PAX7: variants seen among roughly 807,000 people sequenced by gnomAD.
PAX7 encodes paired box 7.
A neutral mutation model predicts 50.7 loss-of-function variants in PAX7; 18 were observed. The ratio of observed to expected loss-of-function variants is 0.36; its 90% CI spans 0.25 to 0.53. The LOEUF (loss-of-function observed/expected upper bound fraction) is 0.53. PAX7 is among the 20% of genes least tolerant of loss of function. The pLI is 0.93. For synonymous variants in PAX7, 310 were observed against 290.4 expected, an observed-to-expected ratio of 1.07 and a Z score of -0.69; for missense variants, 644 against 702.9, an observed-to-expected ratio of 0.92 and a Z score of 0.95.
At chr1:18,706,361 T>C (rs1266048806) in intron 7 of PAX7, among the ~76,000 whole-genome samples, 1 of 152,014 alleles carries the variant, frequency 6.6e-6, no homozygotes, top group Non-Finnish European at 1.5e-5. Flanking sequence ...AGGCACACTG[T>C]CCCTTTCCCC....
chr1:18,666,932 C>T (rs1026444332), intron 4 of PAX7, among the ~76,000 whole-genome samples: 5 of 151,818 alleles, frequency 3.3e-5, no homozygotes, highest in African/African-American at 7.3e-5. Flanking sequence ...GTGGTGGGGG[C>T]ATCAGGGACC....
At position 18,660,050 on chromosome 1, in the gene PAX7, G is replaced by A. The variant is rs902687788; in HGVS notation, c.586+23679G>A. On this transcript the variant is annotated intron_variant, in intron 4 of 8. Coordinates refer to ENST00000420770, the MANE Select transcript of PAX7 (RefSeq NM_001135254.2). ...ATGTAGGAGGTCGGAATTCGTCCAC[G>A]TTTGTGGGTAGAATTGGAGCCCAGT... Among the ~76,000 whole-genome samples, 11 of 152,204 alleles carry A rather than the reference G, an allele frequency of 7.2e-5. 1 individual carries two copies. The highest frequency in any genetic ancestry group is 3.9e-4 in the Admixed American group (6 of 15,286).
At chr1:18,680,019 AT>A (rs2088874588) in intron 4 of PAX7, among the ~76,000 whole-genome samples, 1 of 152,148 alleles carries the variant, frequency 6.6e-6, no homozygotes, top group Admixed American at 6.5e-5. Flanking sequence ...CCTTGCAGTA[AT>A]TCCTTTCATC....
At chr1:18,717,053 C>A (rs1291630549) in intron 7 of PAX7, among the ~76,000 whole-genome samples, 2 of 152,038 alleles carry the variant, frequency 1.3e-5, no homozygotes, top group African/African-American at 4.8e-5. Context: ...CCGCCGCCGT[C>A]GCCGCCGCGC....
At chr1:18,705,584 C>T (rs775002408) in intron 7 of PAX7, among the ~76,000 whole-genome samples, 2 of 152,174 alleles carry the variant, frequency 1.3e-5, no homozygotes, top group African/African-American at 2.4e-5. Flanking sequence ...ATCCCCAACA[C>T]AGGACTCTGT....
At chr1:18,699,915 G>A (rs940462762) in intron 5 of PAX7, among the ~76,000 whole-genome samples, 3 of 152,082 alleles carry the variant, frequency 2.0e-5, no homozygotes, top group African/African-American at 4.8e-5. Context: ...GTGTGGACTT[G>A]GGCAAGCAAC....
At chr1:18,689,052 A>G (rs1191799429) in intron 4 of PAX7, among the ~76,000 whole-genome samples, 3 of 152,190 alleles carry the variant, frequency 2.0e-5, no homozygotes, top group Admixed American at 2.0e-4. Flanking sequence ...CTCTGAGGAC[A>G]GTCTCTGCCC....
intron 4 of PAX7, among the ~76,000 whole-genome samples, chr1:18,659,279 G>A (rs1339711330): frequency 6.6e-6 from 1 of 152,202 alleles, no homozygotes; most frequent in Non-Finnish European, 1.5e-5. Context: ...ATGCAGAACA[G>A]GTGCTCAATA....
rs552760839 is a variant in PAX7, at chr1:18,722,037, A to G, written c.1156-13595A>G. ...CCATTTGCTCATCTATCAAATGTGG[A>G]TGACACAGGGTTAGACCTGCTTCCC... On this transcript the variant is annotated intron_variant, in intron 7 of 8. Transcript: ENST00000420770. Among the ~76,000 whole-genome samples the G allele has an allele frequency of 5.9e-5, 9 of 152,326 alleles. No individual in the cohort carries two copies. The East Asian group carries it at 1.5e-3, about 26-fold the overall frequency.
intron 7 of PAX7, among the ~76,000 whole-genome samples, chr1:18,730,153 C>T (rs1318998944): frequency 2.0e-5 from 3 of 152,176 alleles, no homozygotes; most frequent in African/African-American, 7.2e-5. Context: ...TGTACATTTA[C>T]TCACTTAATC....
intron 4 of PAX7, among the ~76,000 whole-genome samples, chr1:18,662,324 G>C (rs1291908157): frequency 6.6e-6 from 1 of 152,198 alleles, no homozygotes; most frequent in Non-Finnish European, 1.5e-5. Flanking sequence ...GGCAGTCTTG[G>C]AGAATGCGCG....
At position 18,632,488 on chromosome 1, in the gene PAX7, G is replaced by A. The variant is rs1283130374; in HGVS notation, c.85+800G>A. Among the ~76,000 whole-genome samples the A allele has an allele frequency of 1.3e-5, 2 of 152,102 alleles. No homozygotes were observed. Among genetic ancestry groups the A allele is most frequent in the East Asian group, 3.9e-4 (2 of 5,168 alleles). On this transcript the variant is annotated intron_variant, in intron 1 of 8. Coordinates refer to ENST00000420770, the MANE Select transcript of PAX7 (RefSeq NM_001135254.2). The surrounding 1 kb of genome is among the most constrained non-coding windows in gnomAD (Gnocchi z 6.3). The stretch of plus-strand genomic sequence containing the variant: ...GAACCGGGTCCTGGCTGGAGAAAAG[G>A]CTGGGAGCGCACAGCGGAGAGACCC...
chr1:18,718,344 G>A (rs980499356), intron 7 of PAX7, among the ~76,000 whole-genome samples: 5 of 152,186 alleles, frequency 3.3e-5, no homozygotes, highest in Admixed American at 6.5e-5. Flanking sequence ...AGGGTGGGGC[G>A]ATTGAGCTAG....
chr1:18,675,911 C>G (rs990675672), intron 4 of PAX7, among the ~76,000 whole-genome samples: 1 of 152,190 alleles, frequency 6.6e-6, no homozygotes, highest in Non-Finnish European at 1.5e-5. Context: ...GGGCAGGTGA[C>G]AGCCCTCACT....
intron 4 of PAX7, among the ~76,000 whole-genome samples, chr1:18,665,308 G>A (rs768310107): frequency 6.6e-5 from 10 of 152,144 alleles, no homozygotes; most frequent in Non-Finnish European, 1.0e-4. Context: ...GCAATGAGGC[G>A]GGCTTGTGCC....
At position 18,703,134 on chromosome 1, in the gene PAX7, G is replaced by A. The variant is rs999498075; in HGVS notation, c.993G>A (p.Pro331=). ...TGCACCGGCCTCAGCCCCTGCCACC[G>A]TCCACCATGCACCAGGGCGGGCTGG... The part of the protein sequence containing the change: ...STVHRPQPLP[P]STMHQGGLAA... Residue 331 remains proline, a synonymous_variant, in exon 7 of 9, where the codon CCG becomes CCA. Coordinates refer to ENST00000420770, the MANE Select transcript of PAX7 (RefSeq NM_001135254.2). 4.3e-6 allele frequency: 7 copies of A among 1,613,858 alleles called. No homozygotes were observed. The highest frequency in any genetic ancestry group is 4.2e-6 in the Non-Finnish European group (5 of 1,179,958).
Position 18,726,005 on chromosome 1 carries a change from CGT to C in PAX7, c.1156-9625_1156-9624del, listed in dbSNP as rs1557554145. Among the ~76,000 whole-genome samples the C allele has an allele frequency of 2.1e-5, 3 of 143,542 alleles. No individual in the cohort carries two copies. Among genetic ancestry groups the C allele is most frequent in the Admixed American group, 1.4e-4 (2 of 14,492 alleles). The allele number at this position is 143,542 out of a possible 152,430, so 94.2% of individuals were successfully genotyped here. A position where few individuals can be genotyped will look rare whatever the true frequency, so the allele number is the denominator to read the frequency against. Reference sequence around the variant, plus strand: ...GTGTGTGTGTGTGTGCGCGCGCGCGCGTGCGCGCGTGTGTGTGCGTGTGTTTG... The same window carrying C: ...GTGTGTGTGTGTGTGCGCGCGCGCGCGCGCGCGTGTGTGTGCGTGTGTTTG... On this transcript the variant is annotated intron_variant, in intron 7 of 8. Transcript: ENST00000420770. The surrounding 1 kb of genome is among the most constrained non-coding windows in gnomAD (Gnocchi z 4.8).
chr1:18,631,267 T>G lies in PAX7; in HGVS notation c.-337T>G. ...TCCGCCGCGGGGCCTGGTCTCCGGG[T>G]TCTGCCAGGCGCATCAGCCCGCACA... is the stretch of plus-strand genomic sequence containing the variant. On this transcript the variant is annotated 5_prime_UTR_variant, in exon 1 of 9. Transcript: ENST00000420770. 1 of 257,744 alleles carries G rather than the reference T, an allele frequency of 3.9e-6. No homozygotes were observed. Among genetic ancestry groups the G allele is most frequent in the Non-Finnish European group, 7.4e-6 (1 of 134,728 alleles). The allele number at this position is 257,744 out of a possible 1,614,324, so 16.0% of individuals were successfully genotyped here. A position where few individuals can be genotyped will look rare whatever the true frequency, so the allele number is the denominator to read the frequency against.
intron 7 of PAX7, 26 bp downstream of exon 7, chr1:18,703,322 G>A (rs1442812971): frequency 6.2e-7 from 1 of 1,600,644 alleles, no homozygotes; most frequent in Non-Finnish European, 8.5e-7. Context: ...CCAGCACCCA[G>A]GATCCCACCG....
Sources: allele counts gnomAD v4.1 joint callset (sites outside exome capture counted in the v4.1 genomes callset), GRCh38; gene constraint gnomAD v4.1.1; non-coding constraint Gnocchi (gnomAD v3.1); transcripts MANE v1.5; gene names NCBI Gene and HGNC (gene_info 2026-07-23, HGNC 2026-07-21).